Variants in SLC24A3 observed in about 807,000 individuals in gnomAD.
SLC24A3 encodes solute carrier family 24 member 3.
SLC24A3 carries 28 observed loss-of-function variants against 75.8 expected under a neutral mutation model. The observed-to-expected ratio is 0.37, with a 90% CI of 0.27 to 0.51. SLC24A3 has a LOEUF of 0.51. SLC24A3 is among the 20% of genes least tolerant of loss of function. The pLI, the probability that SLC24A3 is intolerant of heterozygous loss-of-function variation, is 0.94. For synonymous variants in SLC24A3, 372 were observed against 334.1 expected (o/e 1.11, Z -1.24); for missense variants, 663 against 847.8 (o/e 0.78, Z 2.71).
At chr20:19,271,863 A>C (rs562688723) in intron 1 of SLC24A3, among the ~76,000 whole-genome samples, 1 of 152,354 alleles carries the variant, frequency 6.6e-6, no homozygotes, top group South Asian at 2.1e-4. Flanking sequence ...AAAAGACTAC[A>C]CATTGAGTAT....
intron 2 of SLC24A3, among the ~76,000 whole-genome samples, chr20:19,333,585 GA>G (rs1423990991): frequency 6.6e-6 from 1 of 152,090 alleles, no homozygotes; most frequent in Non-Finnish European, 1.5e-5. Flanking sequence ...GTATTTCGTT[GA>G]GCAAACAATA....
chr20:19,622,616 GTATC>G (rs1245431230), intron 6 of SLC24A3, among the ~76,000 whole-genome samples: 1 of 152,170 alleles, frequency 6.6e-6, no homozygotes, highest in Non-Finnish European at 1.5e-5. Context: ...GGGGAATAGA[GTATC>G]TGAAAATAAA....
chr20:19,587,880 A>G (rs1489146664), intron 6 of SLC24A3, among the ~76,000 whole-genome samples: 2 of 152,222 alleles, frequency 1.3e-5, no homozygotes, highest in Non-Finnish European at 2.9e-5. Flanking sequence ...GTTAGACACC[A>G]TTAGCTATGC....
At chr20:19,290,874 C>T (rs1186172366) in intron 2 of SLC24A3, among the ~76,000 whole-genome samples, 1 of 152,214 alleles carries the variant, frequency 6.6e-6, no homozygotes, top group Non-Finnish European at 1.5e-5. Flanking sequence ...GTGTGTTCAG[C>T]ACTACTCCCA....
chr20:19,214,968 C>G (rs1050359990), intron 1 of SLC24A3, among the ~76,000 whole-genome samples: 1 of 152,164 alleles, frequency 6.6e-6, no homozygotes, highest in Non-Finnish European at 1.5e-5. Context: ...AAGGAGGATG[C>G]CAGCCAGCCT....
At chr20:19,367,856 T>C (rs1021584619) in intron 2 of SLC24A3, among the ~76,000 whole-genome samples, 4 of 152,180 alleles carry the variant, frequency 2.6e-5, no homozygotes, top group Admixed American at 6.5e-5. Flanking sequence ...AGTTCTGTTT[T>C]GGAATGATCC....
intron 1 of SLC24A3, among the ~76,000 whole-genome samples, chr20:19,257,343 C>T (rs1304698564): frequency 1.3e-5 from 2 of 152,218 alleles, no homozygotes; most frequent in Non-Finnish European, 2.9e-5. Context: ...TCCTCTCAGA[C>T]GGTTGACTCC....
At chr20:19,216,464 G>T (rs1344774868) in intron 1 of SLC24A3, among the ~76,000 whole-genome samples, 2 of 151,870 alleles carry the variant, frequency 1.3e-5, no homozygotes, top group African/African-American at 4.8e-5. Context: ...TTTTTAATTA[G>T]CTGGGTGTGG....
intron 3 of SLC24A3, among the ~76,000 whole-genome samples, chr20:19,564,850 A>G (rs1282673729): frequency 6.6e-6 from 1 of 152,220 alleles, no homozygotes; most frequent in Non-Finnish European, 1.5e-5. Context: ...TCTTCCAGAT[A>G]ATCCTACCAT....
At chr20:19,250,113 A>C (rs965130631) in intron 1 of SLC24A3, among the ~76,000 whole-genome samples, 6 of 152,234 alleles carry the variant, frequency 3.9e-5, no homozygotes, top group African/African-American at 1.4e-4. Flanking sequence ...TGCAGTGTCC[A>C]CGCTGTGCTG....
intron 2 of SLC24A3, among the ~76,000 whole-genome samples, chr20:19,503,011 AGT>A (rs971990090): frequency 2.7e-5 from 4 of 148,926 alleles, no homozygotes; most frequent in East Asian, 2.0e-4. Context: ...CTGGCAACAG[AGT>A]GAGACCTTGT....
At chr20:19,265,883 GC>G (rs1477318840) in intron 1 of SLC24A3, 3 of 152,990 alleles carry the variant, frequency 2.0e-5, no homozygotes, top group African/African-American at 7.2e-5. Flanking sequence ...AATCATTATG[GC>G]CTACAGGATG....
chr20:19,721,849 T>G lies in SLC24A3; in HGVS notation c.*709T>G, dbSNP rs2033107687. On this transcript the variant is annotated 3_prime_UTR_variant, in exon 17 of 17. Coordinates refer to ENST00000328041, the MANE Select transcript of SLC24A3 (RefSeq NM_020689.4). ...GCCACCAAGAACAAATGCATGACATTTTATAGCCAAGGACGCCTCGCTAAA... is the reference window on the plus strand; with the variant it reads ...GCCACCAAGAACAAATGCATGACATGTTATAGCCAAGGACGCCTCGCTAAA... 1 of 152,552 alleles carries G rather than the reference T, an allele frequency of 6.6e-6. No homozygotes were observed. The highest frequency in any genetic ancestry group is 2.4e-5 in the African/African-American group (1 of 41,398). 9.4% of individuals were successfully genotyped at this position (152,552 alleles called of 1,614,324 possible).
At chr20:19,264,477 C>G (rs1413453997) in intron 1 of SLC24A3, among the ~76,000 whole-genome samples, 1 of 152,078 alleles carries the variant, frequency 6.6e-6, no homozygotes, top group Non-Finnish European at 1.5e-5. Flanking sequence ...GTCTGCCCAG[C>G]ACTTTGGGAG....
intron 2 of SLC24A3, among the ~76,000 whole-genome samples, chr20:19,408,491 G>A (rs1174323636): frequency 1.3e-5 from 2 of 151,456 alleles, no homozygotes; most frequent in Non-Finnish European, 2.9e-5. Flanking sequence ...CCAGGTTCAA[G>A]CGATTCTCCT....
At chr20:19,446,301 T>G (rs1277991462) in intron 2 of SLC24A3, among the ~76,000 whole-genome samples, 1 of 152,210 alleles carries the variant, frequency 6.6e-6, no homozygotes, top group African/African-American at 2.4e-5. Flanking sequence ...AAGCTAATAT[T>G]TACAGATTTA....
chr20:19,699,628 A>G (rs571827332), intron 15 of SLC24A3, among the ~76,000 whole-genome samples: 2 of 152,340 alleles, frequency 1.3e-5, no homozygotes, highest in South Asian at 4.1e-4. Context: ...CTCACAGATT[A>G]CATTCATGGC....
chr20:19,223,135 A>G (rs529464800), intron 1 of SLC24A3, among the ~76,000 whole-genome samples: 1 of 152,188 alleles, frequency 6.6e-6, no homozygotes, highest in Non-Finnish European at 1.5e-5. Context: ...TCTACTAAAA[A>G]TACAAAATTA....
At chr20:19,229,871 C>G (rs952517513) in intron 1 of SLC24A3, among the ~76,000 whole-genome samples, 1 of 152,064 alleles carries the variant, frequency 6.6e-6, no homozygotes, top group South Asian at 2.1e-4. Context: ...GCCTCTTATT[C>G]CCATTTATGT....
Sources: allele counts gnomAD v4.1 joint callset (sites outside exome capture counted in the v4.1 genomes callset), GRCh38; gene constraint gnomAD v4.1.1; transcripts MANE v1.5; gene names NCBI Gene and HGNC (gene_info 2026-07-23, HGNC 2026-07-21).